The following SETX variants were observed in gnomAD, a reference collection of about 807,000 sequenced individuals.
SETX encodes helicase senataxin.
SETX carries 90 observed loss-of-function variants against 227.2 expected under a neutral mutation model. That is an observed-to-expected ratio of 0.40 (90% CI 0.33 to 0.47). SETX has a LOEUF of 0.47. SETX is among the 20% of genes least tolerant of loss of function. The pLI, the probability that SETX is intolerant of heterozygous loss-of-function variation, is 0.91. For missense variants in SETX, 3,052 were observed against 3,181.5 expected (o/e 0.96, Z 0.98); for synonymous variants, 1,210 against 1,113.2 (o/e 1.09, Z -1.73).
chr9:132,281,793 C>G (rs764673128), intron 19 of SETX, among the ~76,000 whole-genome samples: 8 of 152,210 alleles, frequency 5.3e-5, no homozygotes, highest in Non-Finnish European at 1.0e-4. Context: ...AATGCCAGCA[C>G]TTTGGGAGGC....
At chr9:132,298,712 A>G (rs529662313) in intron 12 of SETX, among the ~76,000 whole-genome samples, 12 of 152,366 alleles carry the variant, frequency 7.9e-5, no homozygotes, top group African/African-American at 2.9e-4. Context: ...AAGCAACTGC[A>G]AAGATCGTAA....
intron 10 of SETX, among the ~76,000 whole-genome samples, chr9:132,312,653 AG>A (rs993066309): frequency 6.6e-6 from 1 of 152,220 alleles, no homozygotes; most frequent in Non-Finnish European, 1.5e-5. Context: ...TGCTATGGAC[AG>A]GGGAACAAAA....
Position 132,334,663 on chromosome 9 carries a change from G to T in SETX, c.783C>A (p.Asp261Glu), listed in dbSNP as rs1471562108. Residue 261 changes from aspartate (D) to glutamate (E), a missense_variant, in exon 7 of 26, where the codon GAC becomes GAA. By Grantham distance (45) the Asp-to-Glu change is conservative. Coordinates refer to ENST00000224140, the MANE Select transcript of SETX (RefSeq NM_015046.7). ...QAMDSLLLGS[D>E]KQNDFMQSIL... Reference sequence around the variant, plus strand: ...TCGATTGCATAAAATCATTTTGTTTGTCTGAGCCCAACAACAGGGAATCCA... The same window carrying T: ...TCGATTGCATAAAATCATTTTGTTTTTCTGAGCCCAACAACAGGGAATCCA... 6.2e-7 allele frequency: 1 copy of T among 1,613,980 alleles called. No individual in the cohort carries two copies.
chr9:132,332,679 T>C (rs190937749), intron 7 of SETX, among the ~76,000 whole-genome samples: 20 of 152,316 alleles, frequency 1.3e-4, no homozygotes, highest in Non-Finnish European at 2.5e-4. Flanking sequence ...CCCAACACTT[T>C]GGGAGGCCGA....
intron 3 of SETX, among the ~76,000 whole-genome samples, chr9:132,348,024 A>AT (rs932586969): frequency 1.3e-5 from 2 of 151,772 alleles, no homozygotes; most frequent in African/African-American, 2.4e-5. Context: ...CCATTTGCCC[A>AT]TTAAAAAAAG....
intron 14 of SETX, among the ~76,000 whole-genome samples, chr9:132,296,310 C>T (rs931417503): frequency 2.0e-5 from 3 of 152,052 alleles, no homozygotes; most frequent in Non-Finnish European, 2.9e-5. Flanking sequence ...CCCAGCACTT[C>T]GGGAGGCCGA....
At chr9:132,353,357 C>T (rs908415324) in intron 2 of SETX, among the ~76,000 whole-genome samples, 1 of 152,098 alleles carries the variant, frequency 6.6e-6, no homozygotes, top group Non-Finnish European at 1.5e-5. Context: ...GAATACACAT[C>T]AGACTTACCT....
In SETX at chr9:132,336,376, G is replaced by C. The variant is rs1254442456; in HGVS notation, c.638C>G (p.Ser213Cys). The C allele has an allele frequency of 1.9e-6, 3 of 1,614,082 alleles. No homozygotes were observed. The East Asian group carries it at 6.7e-5, about 36-fold the overall frequency. The change falls in exon 6 of 26, where the codon TCT (serine) becomes TGT (cysteine). Residue 213 changes from serine to cysteine, a missense_variant. Ser to Cys is a moderately radical substitution (Grantham distance 112). Around this residue, in one of 10 missense-constraint regions of SETX, gnomAD observed 239 missense variants for 240.8 expected, o/e 0.99. Coordinates refer to ENST00000224140, the MANE Select transcript of SETX (RefSeq NM_015046.7). ...CAGTTTACCCTTCTCTAGGACAGAAGAAGTATAAATGTCTGGACTCTCTAA... is the reference window on the plus strand; with the variant it reads ...CAGTTTACCCTTCTCTAGGACAGAACAAGTATAAATGTCTGGACTCTCTAA... ...GLLESPDIYT[S>C]SVLEKGKLIL...
intron 2 of SETX, among the ~76,000 whole-genome samples, chr9:132,351,915 A>G (rs920087976): frequency 6.6e-6 from 1 of 152,232 alleles, no homozygotes; most frequent in Non-Finnish European, 1.5e-5. Flanking sequence ...AGCACCCACC[A>G]AAAAGAGAGC....
At chr9:132,269,142 G>A (rs545576625) in intron 25 of SETX, among the ~76,000 whole-genome samples, 3 of 152,236 alleles carry the variant, frequency 2.0e-5, no homozygotes, top group Admixed American at 6.5e-5. Flanking sequence ...CCAGAGGGGC[G>A]CCTGTCCTGG....
At chr9:132,324,411 C>T (rs536021149) in intron 10 of SETX, among the ~76,000 whole-genome samples, 1 of 152,160 alleles carries the variant, frequency 6.6e-6, no homozygotes, top group Non-Finnish European at 1.5e-5. Context: ...CAACTCACTT[C>T]TCTTCTTTTG....
At chr9:132,298,354 A>C in intron 12 of SETX, 42 bp from the exon 13 acceptor site, 2 of 1,465,914 alleles carry the variant, frequency 1.4e-6, no homozygotes, top group Admixed American at 3.3e-5. Context: ...GTTATCACTG[A>C]ATAATGCTGC....
At chr9:132,281,273 G>A (rs1315287022) in intron 20 of SETX, among the ~76,000 whole-genome samples, 194 bp downstream of exon 20, 1 of 151,098 alleles carries the variant, frequency 6.6e-6, no homozygotes, top group Non-Finnish European at 1.5e-5. Flanking sequence ...CACATACACA[G>A]AAGAACAACT....
At chr9:132,312,495 G>A (rs1350434592) in intron 10 of SETX, among the ~76,000 whole-genome samples, 1 of 152,140 alleles carries the variant, frequency 6.6e-6, no homozygotes, top group African/African-American at 2.4e-5. Context: ...GGGCCCTAAG[G>A]AGGGTTTTGT....
rs753285108 is a variant in SETX at position 132,327,708 on chromosome 9, T to A, written c.3890A>T (p.Tyr1297Phe). 5.9e-5 allele frequency: 95 copies of A among 1,614,206 alleles called. 3 individuals carry two copies. The South Asian group carries it at 8.5e-4, about 14-fold the overall frequency. ...ATCCAAAGACCGCTGGGACAACTCA[T>A]ATGCCTTACGAGGACCCTTTTTCAG... ...LGLKKGPRKAYELSQRSLDYV... is the reference protein window; with the variant it reads ...LGLKKGPRKAFELSQRSLDYV... Residue 1297 changes from tyrosine to phenylalanine, a missense_variant, in exon 10 of 26, where the codon TAT (tyrosine) becomes TTT (phenylalanine). Physicochemically the swap from Tyr to Phe is conservative, Grantham distance 22. This residue lies in a region of SETX where 1,483 missense variants were observed against 1,312.0 expected (regional missense o/e 1.13). Transcript: ENST00000224140.
In SETX at chr9:132,286,181, C is replaced by CA. The variant is rs58043008; in HGVS notation, c.6396+241dup. On this transcript the variant is annotated intron_variant, in intron 18 of 25. Coordinates refer to ENST00000224140, the MANE Select transcript of SETX (RefSeq NM_015046.7). ...CTGGTGACAGAGCAAGACTTCACCT[C>CA]AAAAAAAAAAAAAAAAAAAAATTAG... Among the ~76,000 whole-genome samples, 6,795 of 74,356 alleles carry CA rather than the reference C, an allele frequency of 0.091. 302 individuals carry two copies. The highest frequency in any genetic ancestry group is 0.23 in the Middle Eastern group (24 of 106). 48.8% of individuals were successfully genotyped at this position (74,356 alleles called of 152,430 possible).
At chr9:132,354,485 G>T (rs1289115203) in intron 1 of SETX, among the ~76,000 whole-genome samples, 1 of 121,480 alleles carries the variant, frequency 8.2e-6, no homozygotes, top group Non-Finnish European at 1.7e-5. Context: ...GACAGAGCGA[G>T]ACCCCGTCTC....
chr9:132,281,666 A>T, intron 19 of SETX, 92 bp from the exon 20 acceptor site: 1 of 891,618 alleles, frequency 1.1e-6, no homozygotes, highest in South Asian at 1.3e-5. Flanking sequence ...CATTCAGAAA[A>T]GTATCACACT....
At chr9:132,306,307 C>T (rs574756464) in intron 11 of SETX, among the ~76,000 whole-genome samples, 2 of 152,138 alleles carry the variant, frequency 1.3e-5, no homozygotes, top group South Asian at 2.1e-4. Context: ...CTGCCTCTTG[C>T]GTTCAAGCAA....
Sources: gnomAD v4.1 joint callset for allele counts (sites outside exome capture counted in the v4.1 genomes callset) on GRCh38, gnomAD v4.1.1 for gene constraint, gnomAD v4.1.1 regional missense constraint, MANE v1.5 for transcripts, NCBI Gene and HGNC (gene_info 2026-07-23, HGNC 2026-07-21) for gene names.